The following UHRF2 variants were observed in gnomAD, a reference collection of about 807,000 sequenced individuals.
The protein encoded by UHRF2 is ubiquitin like with PHD and ring finger domains 2, also known as E3 ubiquitin-protein ligase UHRF2.
A neutral mutation model predicts 96.8 loss-of-function variants in UHRF2; 23 were observed. The ratio of observed to expected loss-of-function variants is 0.24; its 90% CI spans 0.17 to 0.34. The LOEUF is 0.34. Among genes scored for constraint, UHRF2 ranks in the 10% least tolerant of loss-of-function variants. The probability of loss-of-function intolerance (pLI) is 1.00; values close to 1 mark genes in which losing one functional copy is unlikely to be tolerated. For synonymous variants in UHRF2, 385 were observed against 332.6 expected (o/e 1.16, Z -1.72); for missense variants, 685 against 981.5 (o/e 0.70, Z 4.04).
chr9:6,439,689 A>C (rs1225414401), intron 3 of UHRF2, among the ~76,000 whole-genome samples: 1 of 152,220 alleles, frequency 6.6e-6, no homozygotes, highest in African/African-American at 2.4e-5. Context: ...CTTTGACAGC[A>C]GAATTATTAA....
intron 2 of UHRF2, among the ~76,000 whole-genome samples, chr9:6,423,944 C>CAAA (rs555251387): frequency 1.4e-5 from 2 of 143,922 alleles, no homozygotes; most frequent in African/African-American, 5.1e-5. Context: ...GACTCAGTAT[C>CAAA]AAAAAAAATA....
intron 11 of UHRF2, among the ~76,000 whole-genome samples, chr9:6,497,719 A>G (rs1435836311): frequency 6.6e-6 from 1 of 152,024 alleles, no homozygotes; most frequent in Non-Finnish European, 1.5e-5. Context: ...ATAGTAATAG[A>G]TTTTCATTCT....
chr9:6,420,998 T>G lies in UHRF2; in HGVS notation c.240T>G (p.Leu80=). The change falls in exon 2 of 16, where the codon CTT becomes CTG. Residue 80 remains leucine (L), a synonymous_variant. Coordinates refer to ENST00000276893, the MANE Select transcript of UHRF2 (RefSeq NM_152896.3). ...QLLVRPDPDH[L]PGTSTQIEAK... ...TAGTTCGCCCAGACCCTGATCATCT[T>G]CCTGGCACATCTACACAGATTGAGG... The G allele has an allele frequency of 6.2e-7, 1 of 1,613,720 alleles. No homozygotes were observed. Among genetic ancestry groups the G allele is most frequent in the Non-Finnish European group, 8.5e-7 (1 of 1,179,930 alleles).
intron 3 of UHRF2, among the ~76,000 whole-genome samples, chr9:6,445,985 T>G (rs112523346): frequency 1.4e-3 from 118 of 86,804 alleles, no homozygotes; most frequent in African/African-American, 4.6e-3. Context: ...GCCACCCTTT[T>G]TTTTTTTTTT....
intron 4 of UHRF2, among the ~76,000 whole-genome samples, chr9:6,468,111 A>C (rs1822989836): frequency 6.6e-6 from 1 of 152,164 alleles, no homozygotes; most frequent in Non-Finnish European, 1.5e-5. Flanking sequence ...TTTTATTAGT[A>C]CATAAATTGT....
At chr9:6,438,304 T>C (rs1370273156) in intron 3 of UHRF2, among the ~76,000 whole-genome samples, 1 of 152,144 alleles carries the variant, frequency 6.6e-6, no homozygotes, top group Non-Finnish European at 1.5e-5. Flanking sequence ...TGGGAAGACT[T>C]ATTGGAGATG....
intron 3 of UHRF2, among the ~76,000 whole-genome samples, chr9:6,441,051 T>A (rs963613737): frequency 1.3e-5 from 2 of 152,198 alleles, no homozygotes; most frequent in Admixed American, 6.5e-5. Flanking sequence ...AAAATAATGG[T>A]CCTTGGCCAG....
intron 3 of UHRF2, among the ~76,000 whole-genome samples, chr9:6,447,665 A>G (rs2130808561): frequency 6.6e-6 from 1 of 152,340 alleles, no homozygotes; most frequent in East Asian, 1.9e-4. Context: ...TTCCTAAACC[A>G]TCCTAGAAGA....
chr9:6,473,103 A>C (rs13283464), intron 4 of UHRF2, among the ~76,000 whole-genome samples: 4,783 of 152,286 alleles, frequency 0.031, 95 homozygotes, highest in Middle Eastern at 0.078. Flanking sequence ...GGCTGGGGGC[A>C]GAAAATGGGC....
chr9:6,486,944 T>G lies in UHRF2; in HGVS notation c.1497+19T>G, dbSNP rs750565516. On this transcript the variant is annotated intron_variant, in intron 9 of 15. Coordinates refer to ENST00000276893, the MANE Select transcript of UHRF2 (RefSeq NM_152896.3). ...TGAAGTCGTAAGTCATTATACAACC[T>G]TACTCATTAGTACCTGCCTTGACCA... 18 of 1,610,358 alleles carry G rather than the reference T, an allele frequency of 1.1e-5. No homozygotes were observed. In the Admixed American group the frequency reaches 3.0e-4, roughly 27 times the overall value.
intron 9 of UHRF2, among the ~76,000 whole-genome samples, chr9:6,491,578 G>C (rs1048724439): frequency 6.6e-6 from 1 of 152,236 alleles, no homozygotes; most frequent in Admixed American, 6.5e-5. Flanking sequence ...TTATCTGATA[G>C]TCTATAGGGA....
At chr9:6,479,727 A>G (rs1267783345) in intron 6 of UHRF2, among the ~76,000 whole-genome samples, 3 of 152,160 alleles carry the variant, frequency 2.0e-5, no homozygotes, top group Non-Finnish European at 4.4e-5. Flanking sequence ...AGTCTTCATT[A>G]AATAGTACTA....
chr9:6,434,226 A>G, intron 3 of UHRF2, 53 bp downstream of exon 3: 4 of 1,530,752 alleles, frequency 2.6e-6, no homozygotes, highest in African/African-American at 1.4e-5. Flanking sequence ...TGTAGAAACC[A>G]AAGCCTTCTA....
At position 6,413,378 on chromosome 9, in the gene UHRF2, C is replaced by G. The variant is rs1017533645; in HGVS notation, c.-113C>G. The G allele has an allele frequency of 9.0e-7, 1 of 1,116,546 alleles. No homozygotes were observed. The highest frequency in any genetic ancestry group is 4.7e-5 in the Admixed American group (1 of 21,354). 69.2% of individuals were successfully genotyped at this position (1,116,546 alleles called of 1,614,324 possible). ...CCGGTCGGTCCGGTGGGCGCGCTCG[C>G]CCGCCTGCCGCTGAGGGCCCGAGCC... is the stretch of plus-strand genomic sequence containing the variant. On this transcript the variant is annotated 5_prime_UTR_variant, in exon 1 of 16. Coordinates refer to ENST00000276893, the MANE Select transcript of UHRF2 (RefSeq NM_152896.3).
chr9:6,413,413 G>A lies in UHRF2; in HGVS notation c.-78G>A, dbSNP rs933636551. On this transcript the variant is annotated 5_prime_UTR_variant, in exon 1 of 16. Transcript: ENST00000276893. Reference sequence around the variant, plus strand: ...GCTGAGGGCCCGAGCCGCAGGGAAAGCGGCGCGGGCCGGGCGGGGCGCGGC... The same window carrying A: ...GCTGAGGGCCCGAGCCGCAGGGAAAACGGCGCGGGCCGGGCGGGGCGCGGC... 2.3e-6 allele frequency: 3 copies of A among 1,283,914 alleles called. No individual in the cohort carries two copies. The highest frequency in any genetic ancestry group is 3.0e-6 in the Non-Finnish European group (3 of 1,003,418). 79.5% of individuals were successfully genotyped at this position (1,283,914 alleles called of 1,614,324 possible). A position where few individuals can be genotyped will look rare whatever the true frequency, so the allele number is the denominator to read the frequency against.
At chr9:6,433,463 T>G (rs550554879) in intron 2 of UHRF2, among the ~76,000 whole-genome samples, 1 of 152,364 alleles carries the variant, frequency 6.6e-6, no homozygotes, top group African/African-American at 2.4e-5. Flanking sequence ...TTTCAAGTTT[T>G]GTTTTCTTTT....
At chr9:6,472,567 A>G (rs1355633597) in intron 4 of UHRF2, among the ~76,000 whole-genome samples, 1 of 152,240 alleles carries the variant, frequency 6.6e-6, no homozygotes, top group East Asian at 1.9e-4. Context: ...GACAATCAAG[A>G]TGACTGAAGA....
intron 4 of UHRF2, among the ~76,000 whole-genome samples, chr9:6,463,267 G>C (rs1203552361): frequency 8.2e-6 from 1 of 122,536 alleles, no homozygotes; most frequent in Non-Finnish European, 1.7e-5. Flanking sequence ...GGCAACAAGA[G>C]TGAAACTTCG....
chr9:6,448,359 A>G (rs911842151), intron 3 of UHRF2, among the ~76,000 whole-genome samples: 1 of 152,252 alleles, frequency 6.6e-6, no homozygotes, highest in African/African-American at 2.4e-5. Context: ...TATTTAGTTA[A>G]CATGTAAAAA....
Sources: allele counts gnomAD v4.1 joint callset (sites outside exome capture counted in the v4.1 genomes callset), GRCh38; gene constraint gnomAD v4.1.1; transcripts MANE v1.5; gene names NCBI Gene and HGNC (gene_info 2026-07-23, HGNC 2026-07-21).